Variants in PER3 observed in about 807,000 individuals in gnomAD.
The protein encoded by PER3 is period circadian regulator 3, also known as period circadian protein homolog 3.
In PER3, 107 loss-of-function variants were observed where a neutral mutation model predicts 127.2. The ratio of observed to expected loss-of-function variants is 0.84; its 90% CI spans 0.72 to 0.99. The LOEUF is 0.99. Among genes scored for constraint, PER3 ranks in the 50% least tolerant of loss-of-function variants. The pLI, the probability that PER3 is intolerant of heterozygous loss-of-function variation, is 0.00. For missense variants in PER3, 1,560 were observed against 1,525.8 expected (o/e 1.02, Z -0.37); for synonymous variants, 618 against 585.8 (o/e 1.05, Z -0.79).
chr1:7,808,116 CCAGCTACTCGGGAGGCTGAGG>C (rs2097203079), intron 10 of PER3, among the ~76,000 whole-genome samples: 1 of 151,582 alleles, frequency 6.6e-6, no homozygotes, highest in African/African-American at 2.4e-5. Flanking sequence ...ACCTGTAATC[CCAGCTACTCGGGAGGCTGAGG>C]CAGGAGGATC....
At chr1:7,838,592 G>A (rs988818769) in intron 21 of PER3, among the ~76,000 whole-genome samples, 3 of 152,002 alleles carry the variant, frequency 2.0e-5, no homozygotes, top group African/African-American at 7.2e-5. Context: ...TAGAAATGGG[G>A]TTTCCCCATG....
intron 6 of PER3, among the ~76,000 whole-genome samples, chr1:7,797,948 G>T (rs2071983): frequency 4.6e-5 from 7 of 152,148 alleles, no homozygotes; most frequent in Admixed American, 4.6e-4. Flanking sequence ...AAAGGGGTGC[G>T]CCCTCTGGGC....
In PER3 at chr1:7,827,217, C is replaced by G. The variant is rs761350028; in HGVS notation, c.2288C>G (p.Thr763Ser). 5 of 1,613,924 alleles carry G rather than the reference C, an allele frequency of 3.1e-6. No homozygotes were observed. Among genetic ancestry groups the G allele is most frequent in the Non-Finnish European group, 3.4e-6 (4 of 1,179,944 alleles). ...PEPPDSSSSNTGSGPRRGAHQ... is the reference protein window; with the variant it reads ...PEPPDSSSSNSGSGPRRGAHQ... ...CCGCCAGACAGCAGCAGCTCGAACA[C>G]CGGCTCTGGTCCCCGCAGGGGAGCG... Residue 763 changes from threonine (T) to serine (S), a missense_variant, in exon 18 of 22, where the codon ACC becomes AGC. Physicochemically the swap from Thr to Ser is moderately conservative, Grantham distance 58. Transcript: ENST00000377532.
intron 2 of PER3, 111 bp downstream of exon 2, chr1:7,785,116 G>T: frequency 8.4e-7 from 1 of 1,183,702 alleles, no homozygotes; most frequent in African/African-American, 1.6e-5. Context: ...CCAGGGGAAA[G>T]TGTAAAGGGG....
Position 7,809,983 on chromosome 1 carries a change from G to A in PER3, c.1333G>A (p.Ala445Thr). 1.9e-6 allele frequency: 3 copies of A among 1,614,044 alleles called. No homozygotes were observed. The highest frequency in any genetic ancestry group is 2.5e-6 in the Non-Finnish European group (3 of 1,179,886). Residue 445 changes from alanine to threonine, a missense_variant, in exon 12 of 22, where the codon GCC becomes ACC. Transcript: ENST00000377532. ...TGTCAGCATCGCCTCCTCCAGTGAGGCCAGTGGGCACCGTGTGGAGGAGAC... is the reference window on the plus strand; with the variant it reads ...TGTCAGCATCGCCTCCTCCAGTGAGACCAGTGGGCACCGTGTGGAGGAGAC... ...QLVSIASSSE[A>T]SGHRVEETKA...
chr1:7,794,114 C>T (rs2097134428), intron 6 of PER3, 106 bp downstream of exon 6: 3 of 921,234 alleles, frequency 3.3e-6, no homozygotes, highest in Admixed American at 3.6e-5. Context: ...TTGCGAGATA[C>T]AAAAAATAAG....
intron 21 of PER3, among the ~76,000 whole-genome samples, chr1:7,839,281 G>A (rs80181536): frequency 9.7e-4 from 147 of 152,160 alleles, no homozygotes; most frequent in African/African-American, 2.8e-3. Context: ...GTTTTTATAC[G>A]TTGTGTTTCC....
Position 7,827,922 on chromosome 1 carries a change from G to A in PER3, c.2886+107G>A, listed in dbSNP as rs1047199136. On this transcript the variant is annotated intron_variant, in intron 18 of 21. Coordinates refer to ENST00000377532, the MANE Select transcript of PER3 (RefSeq NM_001377275.1). ...CTGACATTCTCAGTAGGTAATCCGC[G>A]TGGCTACTGTGAGTGAGCCTGTTAG... 1.6e-5 allele frequency: 13 copies of A among 787,944 alleles called. No individual in the cohort carries two copies. The Admixed American group carries it at 2.9e-4, about 18-fold the overall frequency. 48.8% of individuals were successfully genotyped at this position (787,944 alleles called of 1,614,324 possible). A position where few individuals can be genotyped will look rare whatever the true frequency, so the allele number is the denominator to read the frequency against.
chr1:7,835,846 A>C lies in PER3; in HGVS notation c.3299A>C (p.Gln1100Pro). ...AATGGGCAGCAATCTCAGGACGTAC[A>C]GAAAAAAGAAACATTTCCTAATGTC... ...SQNGQQSQDVQKKETFPNVAE... is the reference protein window; with the variant it reads ...SQNGQQSQDVPKKETFPNVAE... Residue 1100 changes from glutamine (Q) to proline (P), a missense_variant, in exon 20 of 22, where the codon CAG becomes CCG. By Grantham distance (76) the Gln-to-Pro change is moderately conservative. Transcript: ENST00000377532. The C allele has an allele frequency of 6.2e-7, 1 of 1,612,106 alleles. No individual in the cohort carries two copies. The highest frequency in any genetic ancestry group is 8.5e-7 in the Non-Finnish European group (1 of 1,178,116).
At chr1:7,786,350 C>G (rs1347259710) in intron 3 of PER3, among the ~76,000 whole-genome samples, 1 of 152,136 alleles carries the variant, frequency 6.6e-6, no homozygotes, top group African/African-American at 2.4e-5. Flanking sequence ...TCTGACATTT[C>G]CAGGGATTTC....
chr1:7,806,858 ATACAC>A (rs1253059898), intron 10 of PER3, among the ~76,000 whole-genome samples: 2 of 147,438 alleles, frequency 1.4e-5, no homozygotes, highest in African/African-American at 4.9e-5. Flanking sequence ...ACACACATAC[ATACAC>A]AATTTAGTTT....
At chr1:7,797,741 G>A (rs149930919) in intron 6 of PER3, among the ~76,000 whole-genome samples, 16 of 152,152 alleles carry the variant, frequency 1.1e-4, no homozygotes, top group South Asian at 2.1e-4. Context: ...ACACCTTTAC[G>A]TGCTGGCGAG....
At position 7,809,886 on chromosome 1, in the gene PER3, C is replaced by T. The variant is rs1030964894; in HGVS notation, c.1243-7C>T. ...AATTCTGGACTTGTTCCTCTTTGTC[C>T]TTCCAGCCAGTTCACGTGAGCGTGT... On this transcript the variant is annotated splice_region_variant and splice_polypyrimidine_tract_variant and intron_variant, in intron 11 of 21. Transcript: ENST00000377532. 1.2e-6 allele frequency: 2 copies of T among 1,613,238 alleles called. No homozygotes were observed. The highest frequency in any genetic ancestry group is 1.7e-5 in the Admixed American group (1 of 59,880).
rs2097306257 is a variant in PER3, at chr1:7,827,296, G to A, written c.2367G>A (p.Ser789=). Residue 789 remains serine, a synonymous_variant, in exon 18 of 22, where the codon TCG becomes TCA. Coordinates refer to ENST00000377532, the MANE Select transcript of PER3 (RefSeq NM_001377275.1). ...CCGCGGCCTCCTCTCCGCACACCTC[G>A]AGCCCGACCTTCCCACCTGCCGCCA... ...CPSAASSPHT[S]SPTFPPAAMV... 1 of 1,613,500 alleles carries A rather than the reference G, an allele frequency of 6.2e-7. No individual in the cohort carries two copies. Among genetic ancestry groups the A allele is most frequent in the Admixed American group, 1.7e-5 (1 of 59,958 alleles).
rs1473222206 is a variant in PER3 at position 7,827,384 on chromosome 1, G to A, written c.2455G>A (p.Gly819Arg). 2.4e-5 allele frequency: 38 copies of A among 1,613,998 alleles called. No individual in the cohort carries two copies. Among genetic ancestry groups the A allele is most frequent in the Middle Eastern group, 1.6e-4 (1 of 6,084 alleles). ...TCCCCTCCCAGCCGCGACCTCACCC[G>A]GAAGAGAATACGCAGCCCCCGGAAC... ...AFPLPAATSP[G>R]REYAAPGTAP... The change falls in exon 18 of 22, where the codon GGA becomes AGA. Residue 819 changes from glycine (G) to arginine (R), a missense_variant. Gly to Arg is a moderately radical substitution (Grantham distance 125, BLOSUM62 -2). This residue lies in a region of PER3 where 1,332 missense variants were observed against 1,223.6 expected (regional missense o/e 1.09). Transcript: ENST00000377532.
intron 21 of PER3, among the ~76,000 whole-genome samples, chr1:7,841,109 A>C (rs1416895670): frequency 6.6e-6 from 1 of 152,228 alleles, no homozygotes; most frequent in South Asian, 2.1e-4. Flanking sequence ...TAACACTAAC[A>C]ATAGTTAATG....
At chr1:7,812,541 C>T (rs1328646782) in intron 13 of PER3, among the ~76,000 whole-genome samples, 1 of 140,966 alleles carries the variant, frequency 7.1e-6, no homozygotes, top group African/African-American at 2.6e-5. Flanking sequence ...AGGAGAATGG[C>T]GTGAATCCGG....
At chr1:7,838,875 G>A (rs1466013106) in intron 21 of PER3, among the ~76,000 whole-genome samples, 1 of 152,148 alleles carries the variant, frequency 6.6e-6, no homozygotes, top group Non-Finnish European at 1.5e-5. Context: ...TCTGAATAGT[G>A]CCTTTCAAAA....
intron 21 of PER3, 105 bp from the exon 22 acceptor site, chr1:7,842,567 G>T (rs777932753): frequency 2.3e-5 from 29 of 1,245,748 alleles, no homozygotes; most frequent in Admixed American, 8.1e-5. Context: ...TTTCAGACAT[G>T]AATAAGTTGG....
Sources: allele counts gnomAD v4.1 joint callset (sites outside exome capture counted in the v4.1 genomes callset), GRCh38; gene constraint gnomAD v4.1.1; regional missense constraint gnomAD v4.1.1; transcripts MANE v1.5; gene names NCBI Gene and HGNC (gene_info 2026-07-23, HGNC 2026-07-21).